The following AMER2 variants were observed in gnomAD, a reference collection of about 807,000 sequenced individuals.
AMER2 encodes the protein APC membrane recruitment protein 2, also known as family with sequence similarity 123A.
AMER2 carries 1 observed loss-of-function variant against 4.7 expected under a neutral mutation model. The ratio of observed to expected loss-of-function variants is 0.21; its 90% CI spans 0.07 to 1.00. AMER2 has a LOEUF of 1.00. Among genes scored for constraint, AMER2 ranks in the 50% least tolerant of loss-of-function variants. The pLI, the probability that AMER2 is intolerant of heterozygous loss-of-function variation, is 0.60. For missense variants in AMER2, 988 were observed against 966.9 expected, an observed-to-expected ratio of 1.02 and a Z score of -0.29; for synonymous variants, 485 against 433.3, an observed-to-expected ratio of 1.12 and a Z score of -1.48.
rs1315564070 is a variant in AMER2 at position 25,170,719 on chromosome 13, C to G, written c.901G>C (p.Ala301Pro). ...CCCGGCTCGGCGCGCCGATGCCCCG[C>G]GGCGTCCTCTCCCCGGGCGCCGGTG... ...GDTGARGEDA[A>P]GHRRAEPGPG... Residue 301 changes from alanine to proline, a missense_variant, in exon 1 of 1, where the codon GCG becomes CCG. Ala to Pro is a conservative substitution (Grantham distance 27, BLOSUM62 -1). Coordinates refer to ENST00000515384, the MANE Select transcript of AMER2 (RefSeq NM_152704.4). The surrounding 1 kb of genome is among the most constrained non-coding windows in gnomAD (Gnocchi z 7.3). 1 of 1,466,862 alleles carries G rather than the reference C, an allele frequency of 6.8e-7. No homozygotes were observed. Among genetic ancestry groups the G allele is most frequent in the East Asian group, 2.9e-5 (1 of 34,604 alleles). 90.9% of individuals were successfully genotyped at this position (1,466,862 alleles called of 1,614,324 possible).
rs1316499173 is a variant in AMER2, at chr13:25,162,182, A to G, written c.*7422T>C. Reference sequence around the variant, plus strand: ...GTCCTCAAAGACATGCCTGACTTTCAGGAAAGCTAATTATGGAAATGGAGT... The same window carrying G: ...GTCCTCAAAGACATGCCTGACTTTCGGGAAAGCTAATTATGGAAATGGAGT... On this transcript the variant is annotated 3_prime_UTR_variant, in exon 1 of 1. Transcript: ENST00000515384. The G allele has an allele frequency of 6.6e-6, 1 of 152,180 alleles. No individual in the cohort carries two copies. Among genetic ancestry groups the G allele is most frequent in the Non-Finnish European group, 1.5e-5 (1 of 68,032 alleles). 9.4% of individuals were successfully genotyped at this position (152,180 alleles called of 1,614,324 possible).
Position 25,170,630 on chromosome 13 carries a change from G to A in AMER2, c.990C>T (p.Val330=). 1 of 1,561,512 alleles carries A rather than the reference G, an allele frequency of 6.4e-7. No homozygotes were observed. Residue 330 remains valine (V), a synonymous_variant, in exon 1 of 1, where the codon GTC becomes GTT. Coordinates refer to ENST00000515384, the MANE Select transcript of AMER2 (RefSeq NM_152704.4). This position sits in a 1 kb window ranked among gnomAD's most constrained non-coding sequence, Gnocchi z 7.3. ...SRTGAVPVKT[V]PLVDSEGGSG... The stretch of plus-strand genomic sequence containing the variant: ...TGCCGCCTTCGGAGTCGACAAGGGG[G>A]ACCGTCTTTACGGGAACGGCCCCCG...
chr13:25,171,132 A>C lies in AMER2; in HGVS notation c.488T>G (p.Phe163Cys). The change falls in exon 1 of 1, where the codon TTC becomes TGC. Residue 163 changes from phenylalanine (F) to cysteine (C), a missense_variant. Physicochemically the swap from Phe to Cys is radical, Grantham distance 205 (BLOSUM62 -2). Transcript: ENST00000515384. The surrounding 1 kb of genome is among the most constrained non-coding windows in gnomAD (Gnocchi z 5.9). ...ASSSVAKSHS[F>C]FSLLKKNGRS... Reference sequence around the variant, plus strand: ...CCCGTTCTTCTTCAGCAGCGAGAAGAAGCTGTGCGACTTGGCCACCGAGCT... The same window carrying C: ...CCCGTTCTTCTTCAGCAGCGAGAAGCAGCTGTGCGACTTGGCCACCGAGCT... The C allele has an allele frequency of 1.3e-6, 2 of 1,553,690 alleles. No individual in the cohort carries two copies. The highest frequency in any genetic ancestry group is 1.7e-6 in the Non-Finnish European group (2 of 1,150,768).
Position 25,170,167 on chromosome 13 carries a change from C to T in AMER2, c.1453G>A (p.Ala485Thr), listed in dbSNP as rs772062313. ...AGCCTCCTGCGCTTGACCGAGGACG[C>T]GTCCTTGGCCGCTTCCACACACCTG... ...DTRCVEAAKD[A>T]SSVKRRRLNR... Residue 485 changes from alanine to threonine, a missense_variant, in exon 1 of 1, where the codon GCG (alanine) becomes ACG (threonine). Coordinates refer to ENST00000515384, the MANE Select transcript of AMER2 (RefSeq NM_152704.4). This position sits in a 1 kb window ranked among gnomAD's most constrained non-coding sequence, Gnocchi z 7.3. The T allele has an allele frequency of 6.2e-6, 10 of 1,613,512 alleles. No individual in the cohort carries two copies. Among genetic ancestry groups the T allele is most frequent in the South Asian group, 5.5e-5 (5 of 91,008 alleles).
At position 25,169,692 on chromosome 13, in the gene AMER2, T is replaced by C. The variant is rs1426664756; in HGVS notation, c.1928A>G (p.Lys643Arg). 6.2e-7 allele frequency: 1 copy of C among 1,614,108 alleles called. No homozygotes were observed. Among genetic ancestry groups the C allele is most frequent in the South Asian group, 1.1e-5 (1 of 91,076 alleles). Residue 643 changes from lysine to arginine, a missense_variant, in exon 1 of 1, where the codon AAA becomes AGA. By Grantham distance (26) the Lys-to-Arg change is conservative. Coordinates refer to ENST00000515384, the MANE Select transcript of AMER2 (RefSeq NM_152704.4). This position sits in a 1 kb window ranked among gnomAD's most constrained non-coding sequence, Gnocchi z 4.2. ...EMPRTKIPVS[K>R]VLVRRVSNRG... The stretch of plus-strand genomic sequence containing the variant: ...GTTGCTGACTCTGCGGACCAGCACT[T>C]TGGAAACCGGGATTTTTGTTCTGGG...
In AMER2 at chr13:25,171,502, C is replaced by A. The variant is rs752722281; in HGVS notation, c.118G>T (p.Ala40Ser). 1.2e-6 allele frequency: 2 copies of A among 1,604,534 alleles called. No homozygotes were observed. The highest frequency in any genetic ancestry group is 3.4e-5 in the Admixed American group (2 of 59,560). The change falls in exon 1 of 1, where the codon GCG becomes TCG. Residue 40 changes from alanine (A) to serine (S), a missense_variant. Coordinates refer to ENST00000515384, the MANE Select transcript of AMER2 (RefSeq NM_152704.4). The surrounding 1 kb of genome is among the most constrained non-coding windows in gnomAD (Gnocchi z 5.9). ...AEAGAGTGTL[A>S]ADMDLHCDCA... ...TCACAATGCAAGTCCATGTCTGCCG[C>A]GAGGGTCCCGGTCCCGGCCCCGGCC... is the stretch of plus-strand genomic sequence containing the variant.
rs1213357059 is a variant in AMER2 at position 25,164,347 on chromosome 13, T to C, written c.*5257A>G. ...CCACATTAATCCTAAGAGAAGAGGA[T>C]CCCTCCAAGGGAAGGCCAATGTTTG... is the stretch of plus-strand genomic sequence containing the variant. On this transcript the variant is annotated 3_prime_UTR_variant, in exon 1 of 1. Coordinates refer to ENST00000515384, the MANE Select transcript of AMER2 (RefSeq NM_152704.4). The C allele has an allele frequency of 6.6e-6, 1 of 151,768 alleles. No individual in the cohort carries two copies. Among genetic ancestry groups the C allele is most frequent in the Non-Finnish European group, 1.5e-5 (1 of 67,968 alleles). The allele number at this position is 151,768 out of a possible 1,614,324, so 9.4% of individuals were successfully genotyped here. A position where few individuals can be genotyped will look rare whatever the true frequency, so the allele number is the denominator to read the frequency against.
rs1267621572 is a variant in AMER2, at chr13:25,165,759, C to G, written c.*3845G>C. 1 of 152,228 alleles carries G rather than the reference C, an allele frequency of 6.6e-6. No individual in the cohort carries two copies. Among genetic ancestry groups the G allele is most frequent in the African/African-American group, 2.4e-5 (1 of 41,452 alleles). 9.4% of individuals were successfully genotyped at this position (152,228 alleles called of 1,614,324 possible). A position where few individuals can be genotyped will look rare whatever the true frequency, so the allele number is the denominator to read the frequency against. ...GTGAATGTACTGGAACAGGTCTCAGCAGAAGCCCAGCATCAGGGGAGCCAA... is the reference window on the plus strand; with the variant it reads ...GTGAATGTACTGGAACAGGTCTCAGGAGAAGCCCAGCATCAGGGGAGCCAA... On this transcript the variant is annotated 3_prime_UTR_variant, in exon 1 of 1. Transcript: ENST00000515384.
Position 25,170,471 on chromosome 13 carries a change from A to G in AMER2, c.1149T>C (p.Asp383=), listed in dbSNP as rs1361662797. The G allele has an allele frequency of 6.2e-7, 1 of 1,614,082 alleles. No homozygotes were observed. The highest frequency in any genetic ancestry group is 8.5e-7 in the Non-Finnish European group (1 of 1,179,994). The change falls in exon 1 of 1, where the codon GAT becomes GAC. Residue 383 remains aspartate (D), a synonymous_variant. Transcript: ENST00000515384. The surrounding 1 kb of genome is among the most constrained non-coding windows in gnomAD (Gnocchi z 7.3). The part of the protein sequence containing the change: ...KSFDSLTGCG[D]IIADQEEEAG... ...CCTCTTCCTCTTGGTCTGCAATAAT[A>G]TCTCCACAGCCTGTAAGAGAGTCAA...
Position 25,165,952 on chromosome 13 carries a change from G to C in AMER2, c.*3652C>G, listed in dbSNP as rs555441297. On this transcript the variant is annotated 3_prime_UTR_variant, in exon 1 of 1. Coordinates refer to ENST00000515384, the MANE Select transcript of AMER2 (RefSeq NM_152704.4). Reference sequence around the variant, plus strand: ...GCCTGAGTGGATCTCTTCACACCAAGCTAACAGTCAAGAGTTGCCTTTAAA... The same window carrying C: ...GCCTGAGTGGATCTCTTCACACCAACCTAACAGTCAAGAGTTGCCTTTAAA... 1 of 152,348 alleles carries C rather than the reference G, an allele frequency of 6.6e-6. No homozygotes were observed. The highest frequency in any genetic ancestry group is 2.4e-5 in the African/African-American group (1 of 41,576). The allele number at this position is 152,348 out of a possible 1,614,324, so 9.4% of individuals were successfully genotyped here.
Position 25,167,943 on chromosome 13 carries a change from T to C in AMER2, c.*1661A>G, listed in dbSNP as rs979516693. 2.6e-5 allele frequency: 4 copies of C among 152,212 alleles called. No individual in the cohort carries two copies. Among genetic ancestry groups the C allele is most frequent in the African/African-American group, 7.2e-5 (3 of 41,454 alleles). 9.4% of individuals were successfully genotyped at this position (152,212 alleles called of 1,614,324 possible). On this transcript the variant is annotated 3_prime_UTR_variant, in exon 1 of 1. Transcript: ENST00000515384. ...ATTACTAATGCAATCTCTCTGGAAA[T>C]GAGACTTATACAGAAGTGTTCATGT...
Position 25,169,264 on chromosome 13 carries a change from T to A in AMER2, c.*340A>T, listed in dbSNP as rs1344946441. On this transcript the variant is annotated 3_prime_UTR_variant, in exon 1 of 1. Coordinates refer to ENST00000515384, the MANE Select transcript of AMER2 (RefSeq NM_152704.4). The surrounding 1 kb of genome is among the most constrained non-coding windows in gnomAD (Gnocchi z 4.2). The stretch of plus-strand genomic sequence containing the variant: ...TGACTCTTACTTAGGTTTGGCTAAG[T>A]TCTGTTTTCTGCAAAGGCAAGTAAA... 1 of 187,852 alleles carries A rather than the reference T, an allele frequency of 5.3e-6. No homozygotes were observed. Among genetic ancestry groups the A allele is most frequent in the Admixed American group, 5.8e-5 (1 of 17,270 alleles). 11.6% of individuals were successfully genotyped at this position (187,852 alleles called of 1,614,324 possible). A position where few individuals can be genotyped will look rare whatever the true frequency, so the allele number is the denominator to read the frequency against.
Position 25,171,405 on chromosome 13 carries a change from T to C in AMER2, c.215A>G (p.Lys72Arg), listed in dbSNP as rs1207119737. The C allele has an allele frequency of 1.2e-6, 2 of 1,613,196 alleles. No individual in the cohort carries two copies. Among genetic ancestry groups the C allele is most frequent in the Non-Finnish European group, 1.7e-6 (2 of 1,179,690 alleles). The change falls in exon 1 of 1, where the codon AAG (lysine) becomes AGG (arginine). Residue 72 changes from lysine (K) to arginine (R), a missense_variant. Physicochemically the swap from Lys to Arg is conservative, Grantham distance 26. Transcript: ENST00000515384. This position sits in a 1 kb window ranked among gnomAD's most constrained non-coding sequence, Gnocchi z 5.9. The stretch of plus-strand genomic sequence containing the variant: ...CATGGTGCCACCCGATTTCCTCTTC[T>C]TGAATAATTTGAAGGCAGCTTTATT... ...KINKAAFKLFKKRKSGGTMPS... is the reference protein window; with the variant it reads ...KINKAAFKLFRKRKSGGTMPS...
chr13:25,170,445 G>T lies in AMER2; in HGVS notation c.1175C>A (p.Ala392Glu). Residue 392 changes from alanine to glutamate, a missense_variant, in exon 1 of 1, where the codon GCA becomes GAA. Coordinates refer to ENST00000515384, the MANE Select transcript of AMER2 (RefSeq NM_152704.4). This position sits in a 1 kb window ranked among gnomAD's most constrained non-coding sequence, Gnocchi z 7.3. ...GDIIADQEEE[A>E]GPSCDKHVPG... is the part of the protein sequence containing the mutation. ...GACATGCTTGTCACAGCTGGGACCTGCCTCTTCCTCTTGGTCTGCAATAAT... is the reference window on the plus strand; with the variant it reads ...GACATGCTTGTCACAGCTGGGACCTTCCTCTTCCTCTTGGTCTGCAATAAT... 6.2e-7 allele frequency: 1 copy of T among 1,614,218 alleles called. No homozygotes were observed. The highest frequency in any genetic ancestry group is 8.5e-7 in the Non-Finnish European group (1 of 1,180,040).
chr13:25,170,641 C>T lies in AMER2; in HGVS notation c.979G>A (p.Val327Ile). ...GAGTCGACAAGGGGGACCGTCTTTA[C>T]GGGAACGGCCCCCGTCCTGGAAGCG... is the stretch of plus-strand genomic sequence containing the variant. ...EDASRTGAVP[V>I]KTVPLVDSEG... The change falls in exon 1 of 1, where the codon GTA becomes ATA. Residue 327 changes from valine to isoleucine, a missense_variant. Val to Ile is a conservative substitution (Grantham distance 29). Coordinates refer to ENST00000515384, the MANE Select transcript of AMER2 (RefSeq NM_152704.4). This position sits in a 1 kb window ranked among gnomAD's most constrained non-coding sequence, Gnocchi z 7.3. 6.4e-7 allele frequency: 1 copy of T among 1,554,524 alleles called. No homozygotes were observed. Among genetic ancestry groups the T allele is most frequent in the Non-Finnish European group, 8.7e-7 (1 of 1,148,786 alleles).
chr13:25,169,405 G>T lies in AMER2; in HGVS notation c.*199C>A. On this transcript the variant is annotated 3_prime_UTR_variant, in exon 1 of 1. Transcript: ENST00000515384. The surrounding 1 kb of genome is among the most constrained non-coding windows in gnomAD (Gnocchi z 4.2). The stretch of plus-strand genomic sequence containing the variant: ...ACTTATCTTGAGAGGAGAAACCCCC[G>T]TGTAGCATCCCTCTTTCTGGTGTTA... The T allele has an allele frequency of 1.8e-6, 1 of 559,812 alleles. No homozygotes were observed. The highest frequency in any genetic ancestry group is 2.9e-6 in the Non-Finnish European group (1 of 344,508). The allele number at this position is 559,812 out of a possible 1,614,324, so 34.7% of individuals were successfully genotyped here.
chr13:25,166,714 T>C lies in AMER2; in HGVS notation c.*2890A>G, dbSNP rs1956483538. On this transcript the variant is annotated 3_prime_UTR_variant, in exon 1 of 1. Coordinates refer to ENST00000515384, the MANE Select transcript of AMER2 (RefSeq NM_152704.4). ...GAATAATCTTCACAAGGTCATTAGA[T>C]ATAATGTATTAATAAAAATTGGAAT... is the stretch of plus-strand genomic sequence containing the variant. 6.6e-6 allele frequency: 1 copy of C among 152,206 alleles called. No individual in the cohort carries two copies. Among genetic ancestry groups the C allele is most frequent in the Admixed American group, 6.5e-5 (1 of 15,278 alleles). The allele number at this position is 152,206 out of a possible 1,614,324, so 9.4% of individuals were successfully genotyped here.
Position 25,170,652 on chromosome 13 carries a change from C to T in AMER2, c.968G>A (p.Gly323Glu). 5.8e-6 allele frequency: 9 copies of T among 1,551,854 alleles called. No homozygotes were observed. Among genetic ancestry groups the T allele is most frequent in the Non-Finnish European group, 7.8e-6 (9 of 1,147,500 alleles). The part of the protein sequence containing the change: ...VRTAEDASRT[G>E]AVPVKTVPLV... ...GGGGACCGTCTTTACGGGAACGGCC[C>T]CCGTCCTGGAAGCGTCCTCTGCCGT... is the stretch of plus-strand genomic sequence containing the variant. Residue 323 changes from glycine (G) to glutamate (E), a missense_variant, in exon 1 of 1, where the codon GGG becomes GAG. By Grantham distance (98) the Gly-to-Glu change is moderately conservative. Transcript: ENST00000515384. This position sits in a 1 kb window ranked among gnomAD's most constrained non-coding sequence, Gnocchi z 7.3.
At position 25,169,794 on chromosome 13, in the gene AMER2, G is replaced by T. The variant is rs1365110920; in HGVS notation, c.1826C>A (p.Pro609His). The stretch of plus-strand genomic sequence containing the variant: ...GTTGGTCAGGTGCTTGATGCTAATA[G>T]GGATCTTAGAGTCCTTCAGCAAGCT... Reference protein sequence around the residue: ...PGSLLKDSKIPISIKHLTNLP... With the variant: ...PGSLLKDSKIHISIKHLTNLP... The change falls in exon 1 of 1, where the codon CCT (proline) becomes CAT (histidine). Residue 609 changes from proline to histidine, a missense_variant. Pro to His is a moderately conservative substitution (Grantham distance 77). Coordinates refer to ENST00000515384, the MANE Select transcript of AMER2 (RefSeq NM_152704.4). The surrounding 1 kb of genome is among the most constrained non-coding windows in gnomAD (Gnocchi z 4.2). 6.2e-7 allele frequency: 1 copy of T among 1,614,032 alleles called. No individual in the cohort carries two copies. The highest frequency in any genetic ancestry group is 8.5e-7 in the Non-Finnish European group (1 of 1,180,028).
Sources: allele counts gnomAD v4.1 joint callset, GRCh38; gene constraint gnomAD v4.1.1; non-coding constraint Gnocchi (gnomAD v3.1); transcripts MANE v1.5; gene names NCBI Gene and HGNC (gene_info 2026-07-23, HGNC 2026-07-21).